PALLD: variants seen among roughly 807,000 people sequenced by gnomAD.
PALLD encodes the protein palladin.
Under a neutral mutation model 123.5 loss-of-function variants are expected in PALLD, and 61 were observed. That is an observed-to-expected ratio of 0.49 (90% CI 0.40 to 0.61). PALLD has a LOEUF of 0.61. Among genes scored for constraint, PALLD ranks in the 20% least tolerant of loss-of-function variants. The pLI, the probability that PALLD is intolerant of heterozygous loss-of-function variation, is 0.00. For synonymous variants in PALLD, 465 were observed against 496.4 expected (o/e 0.94, Z 0.84); for missense variants, 1,273 against 1,377.0 (o/e 0.92, Z 1.20).
chr4:168,878,002 C>A, intron 10 of PALLD: 2 of 1,497,944 alleles, frequency 1.3e-6, no homozygotes, highest in Non-Finnish European at 1.8e-6. Flanking sequence ...CCGCGTCGGG[C>A]CACGGCACGC....
intron 10 of PALLD, among the ~76,000 whole-genome samples, chr4:168,835,412 C>A (rs1421565583): frequency 6.6e-6 from 1 of 152,154 alleles, no homozygotes; most frequent in Non-Finnish European, 1.5e-5. Flanking sequence ...TTGGCTCATT[C>A]TAGCAATGTT....
intron 10 of PALLD, among the ~76,000 whole-genome samples, chr4:168,827,713 T>TA (rs1561568454): frequency 6.6e-6 from 1 of 152,180 alleles, no homozygotes; most frequent in East Asian, 1.9e-4. Context: ...TCTGTGACTC[T>TA]AAAAAATATA....
chr4:168,843,671 T>C (rs112215208), intron 10 of PALLD, among the ~76,000 whole-genome samples: 23 of 152,262 alleles, frequency 1.5e-4, no homozygotes, highest in African/African-American at 5.5e-4. Context: ...GACATAGACA[T>C]GGTGGTGATC....
Position 168,759,962 on chromosome 4 carries a change from G to A in PALLD, c.1964+48039G>A, listed in dbSNP as rs143381861. 6.2e-3 allele frequency among the ~76,000 whole-genome samples: 936 copies of A among 152,000 alleles called. 5 individuals carry two copies. The highest frequency in any genetic ancestry group is 0.027 in the Middle Eastern group (8 of 294). On this transcript the variant is annotated intron_variant, in intron 10 of 21. Transcript: ENST00000505667. ...CCAGCTGCTGGGGAGGCTGAAGCAT[G>A]AGAATTGCTGGAACCCAGGGGGCAG...
intron 10 of PALLD, among the ~76,000 whole-genome samples, chr4:168,744,222 G>A (rs1011594956): frequency 5.9e-5 from 9 of 152,096 alleles, no homozygotes; most frequent in East Asian, 1.9e-4. Flanking sequence ...TGTGAGAATC[G>A]TGCGTGTCCA....
chr4:168,707,713 C>G (rs1250605049), intron 8 of PALLD, among the ~76,000 whole-genome samples: 1 of 152,150 alleles, frequency 6.6e-6, no homozygotes, highest in African/African-American at 2.4e-5. Flanking sequence ...AGAGGCATGT[C>G]TACAAAGGAA....
chr4:168,878,086 C>T, intron 10 of PALLD: 1 of 1,443,584 alleles, frequency 6.9e-7, no homozygotes, highest in Non-Finnish European at 9.0e-7. Context: ...GCCGCGCCCC[C>T]GTGCCGCCCT....
At chr4:168,695,019 T>C (rs552753225) in intron 8 of PALLD, among the ~76,000 whole-genome samples, 1 of 152,322 alleles carries the variant, frequency 6.6e-6, no homozygotes, top group South Asian at 2.1e-4. Context: ...AGCCACAAAC[T>C]GTGTTGAGTT....
chr4:168,890,769 T>C (rs1754042384), intron 10 of PALLD, among the ~76,000 whole-genome samples, 153 bp from the exon 11 acceptor site: 2 of 152,218 alleles, frequency 1.3e-5, no homozygotes, highest in African/African-American at 4.8e-5. Context: ...CCAGCTTTCA[T>C]GGTTCTTTCC....
chr4:168,763,131 G>A (rs753132726), intron 10 of PALLD, among the ~76,000 whole-genome samples: 2 of 152,104 alleles, frequency 1.3e-5, no homozygotes, highest in South Asian at 2.1e-4. Context: ...TGTAACAAAC[G>A]TGGACATTCT....
intron 10 of PALLD, among the ~76,000 whole-genome samples, chr4:168,830,858 C>T (rs941450614): frequency 6.6e-6 from 1 of 152,188 alleles, no homozygotes; most frequent in Non-Finnish European, 1.5e-5. Flanking sequence ...CAGTACTAAA[C>T]CCTTTAAACA....
At chr4:168,538,586 T>A (rs1459437446) in intron 2 of PALLD, among the ~76,000 whole-genome samples, 1 of 152,162 alleles carries the variant, frequency 6.6e-6, no homozygotes, top group Non-Finnish European at 1.5e-5. Context: ...CTGTGACAGG[T>A]CATTCCAGAA....
intron 2 of PALLD, among the ~76,000 whole-genome samples, chr4:168,652,424 T>C (rs764610209): frequency 1.7e-4 from 26 of 152,208 alleles, no homozygotes; most frequent in Non-Finnish European, 2.9e-4. Context: ...TTACACCACA[T>C]TGGATCTGAA....
intron 2 of PALLD, among the ~76,000 whole-genome samples, chr4:168,535,812 C>T (rs1004408640): frequency 6.6e-6 from 1 of 152,180 alleles, no homozygotes; most frequent in Non-Finnish European, 1.5e-5. Context: ...AAGAGTCCTC[C>T]TTTATGCTGT....
intron 10 of PALLD, among the ~76,000 whole-genome samples, chr4:168,769,174 A>G (rs776938223): frequency 1.3e-5 from 2 of 152,178 alleles, no homozygotes; most frequent in Non-Finnish European, 2.9e-5. Context: ...AAGAACATTC[A>G]TTGTATCCCA....
intron 17 of PALLD, among the ~76,000 whole-genome samples, chr4:168,920,594 C>G (rs1041359473): frequency 2.0e-5 from 3 of 152,180 alleles, no homozygotes; most frequent in African/African-American, 7.2e-5. Flanking sequence ...TGGCGACCAT[C>G]CTGACCCTTT....
At chr4:168,526,144 C>T (rs773832401) in intron 2 of PALLD, among the ~76,000 whole-genome samples, 9 of 152,210 alleles carry the variant, frequency 5.9e-5, no homozygotes, top group African/African-American at 1.2e-4. Context: ...ACACACGCCT[C>T]AAGAACCATG....
intron 5 of PALLD, among the ~76,000 whole-genome samples, chr4:168,684,023 T>C (rs17054465): frequency 0.23 from 35,293 of 152,124 alleles, 5,778 homozygotes; most frequent in African/African-American, 0.46. Flanking sequence ...AACCCCTTAA[T>C]CAGAGTGGAA....
At chr4:168,655,846 G>C (rs1778505733) in intron 2 of PALLD, among the ~76,000 whole-genome samples, 1 of 152,178 alleles carries the variant, frequency 6.6e-6, no homozygotes, top group African/African-American at 2.4e-5. Context: ...AGTTGTATTG[G>C]ATGTAATTGT....
Sources: gnomAD v4.1 joint callset for allele counts (sites outside exome capture counted in the v4.1 genomes callset) on GRCh38, gnomAD v4.1.1 for gene constraint, MANE v1.5 for transcripts, NCBI Gene and HGNC (gene_info 2026-07-23, HGNC 2026-07-21) for gene names.